Variants in RXRA observed in about 807,000 individuals in gnomAD.
RXRA encodes retinoic acid receptor RXR-alpha.
In RXRA, 5 loss-of-function variants were observed where a neutral mutation model predicts 44.5. The ratio of observed to expected loss-of-function variants is 0.11; its 90% confidence interval spans 0.06 to 0.24. RXRA has a LOEUF of 0.24. Among genes scored for constraint, RXRA ranks in the 10% least tolerant of loss-of-function variants. The probability of loss-of-function intolerance (pLI) is 1.00; values close to 1 mark genes in which losing one functional copy is unlikely to be tolerated. For missense variants in RXRA, 412 were observed against 646.5 expected, an observed-to-expected ratio of 0.64 and a Z score of 3.93; for synonymous variants, 291 against 271.4, an observed-to-expected ratio of 1.07 and a Z score of -0.71.
chr9:134,381,438 G>A (rs1007772594), intron 1 of RXRA, among the ~76,000 whole-genome samples: 5 of 152,266 alleles, frequency 3.3e-5, no homozygotes, highest in Non-Finnish European at 7.4e-5. Context: ...CTGTCTGAGC[G>A]GGAGAGGGAA....
At chr9:134,352,237 C>G (rs1830230396) in intron 1 of RXRA, among the ~76,000 whole-genome samples, 1 of 152,082 alleles carries the variant, frequency 6.6e-6, no homozygotes, top group South Asian at 2.1e-4. Flanking sequence ...TCTGCGCCTC[C>G]TGGGGTGCCT....
intron 7 of RXRA, 48 bp downstream of exon 7, chr9:134,429,288 A>G: frequency 3.1e-6 from 5 of 1,592,786 alleles, no homozygotes; most frequent in Non-Finnish European, 4.3e-6. Flanking sequence ...CACCTCCGCC[A>G]CCAGGCCAGC....
chr9:134,363,798 C>T (rs1830382128), intron 1 of RXRA, among the ~76,000 whole-genome samples: 1 of 152,214 alleles, frequency 6.6e-6, no homozygotes, highest in African/African-American at 2.4e-5. Flanking sequence ...GAGGTGCGAC[C>T]TGAGCATGGG....
chr9:134,436,609 A>G lies in RXRA; in HGVS notation c.1384A>G (p.Thr462Ala). 2 of 1,613,806 alleles carry G rather than the reference A, an allele frequency of 1.2e-6. No individual in the cohort carries two copies. Among genetic ancestry groups the G allele is most frequent in the Admixed American group, 1.7e-5 (1 of 60,012 alleles). ...GATGCTGGAGGCGCCGCACCAAATG[A>G]CTTAGGCCTGCGGGCCCATCCTTTG... is the stretch of plus-strand genomic sequence containing the variant. ...MEMLEAPHQM[T>A] is the part of the protein sequence containing the mutation. The change falls in exon 10 of 10, where the codon ACT becomes GCT. Residue 462 changes from threonine to alanine, a missense_variant. By Grantham distance (58) the Thr-to-Ala change is moderately conservative (BLOSUM62 0). This residue lies in a region of RXRA where 141 missense variants were observed against 270.8 expected (regional missense o/e 0.52). Coordinates refer to ENST00000481739, the MANE Select transcript of RXRA (RefSeq NM_002957.6).
Position 134,417,595 on chromosome 9 carries a change from C to T in RXRA, c.780+268C>T, listed in dbSNP as rs533479087. On this transcript the variant is annotated intron_variant, in intron 5 of 9. Transcript: ENST00000481739. The surrounding 1 kb of genome is among the most constrained non-coding windows in gnomAD (Gnocchi z 6.1). ...GGCCCGGGGCCTGGGGCCCTGCGGCCACATCATCATCCTCGGCCACCTCTG... is the reference window on the plus strand; with the variant it reads ...GGCCCGGGGCCTGGGGCCCTGCGGCTACATCATCATCCTCGGCCACCTCTG... 5.3e-5 allele frequency among the ~76,000 whole-genome samples: 8 copies of T among 152,212 alleles called. No homozygotes were observed. The highest frequency in any genetic ancestry group is 1.0e-4 in the Non-Finnish European group (7 of 67,982).
intron 4 of RXRA, among the ~76,000 whole-genome samples, chr9:134,414,504 A>C (rs1035572986): frequency 2.6e-5 from 4 of 152,240 alleles, no homozygotes; most frequent in Admixed American, 1.3e-4. Flanking sequence ...GCCGAGGCAC[A>C]GAGAGGTCAG....
At chr9:134,369,051 T>G (rs1348287027) in intron 1 of RXRA, among the ~76,000 whole-genome samples, 12 of 28,686 alleles carry the variant, frequency 4.2e-4, no homozygotes, top group East Asian at 1.1e-3. Context: ...TATGTGTGTA[T>G]GGGGGGTTAT....
chr9:134,429,317 C>A, intron 7 of RXRA, 77 bp downstream of exon 7: 1 of 1,439,388 alleles, frequency 6.9e-7, no homozygotes, highest in Non-Finnish European at 9.6e-7. Flanking sequence ...GCCACCTTGG[C>A]CCCGGTGCAC....
intron 1 of RXRA, among the ~76,000 whole-genome samples, chr9:134,334,042 G>A (rs781877335): frequency 6.6e-6 from 1 of 152,250 alleles, no homozygotes; most frequent in Non-Finnish European, 1.5e-5. Flanking sequence ...AGCTCCCGCT[G>A]GCAAGCCTGC....
At position 134,372,657 on chromosome 9, in the gene RXRA, G is replaced by A. The variant is rs139075652; in HGVS notation, c.29-28975G>A. ...GAGGATCAGAGAGGCCCACTGACCCGCCTTGGGGCCCCCAGCAGGCAGAGG... is the reference window on the plus strand; with the variant it reads ...GAGGATCAGAGAGGCCCACTGACCCACCTTGGGGCCCCCAGCAGGCAGAGG... On this transcript the variant is annotated intron_variant, in intron 1 of 9. Coordinates refer to ENST00000481739, the MANE Select transcript of RXRA (RefSeq NM_002957.6). 7.2e-3 allele frequency among the ~76,000 whole-genome samples: 1,096 copies of A among 152,310 alleles called. 15 individuals carry two copies. Among genetic ancestry groups the A allele is most frequent in the African/African-American group, 0.025 (1,035 of 41,564 alleles).
intron 1 of RXRA, among the ~76,000 whole-genome samples, chr9:134,362,333 C>CAA (rs1830362379): frequency 6.6e-6 from 1 of 152,192 alleles, no homozygotes; most frequent in African/African-American, 2.4e-5. Context: ...GCTCATCCCC[C>CAA]AAGTCCCATC....
intron 1 of RXRA, among the ~76,000 whole-genome samples, chr9:134,341,610 G>A (rs1469579370): frequency 9.9e-5 from 15 of 152,226 alleles, no homozygotes; most frequent in Admixed American, 7.8e-4. Context: ...TGGAGGAGGC[G>A]TGGGCATGGG....
At chr9:134,422,873 G>T in intron 6 of RXRA, 3 of 985,464 alleles carry the variant, frequency 3.0e-6, no homozygotes, top group African/African-American at 1.7e-5. Context: ...TCCAGGGGCT[G>T]CCCAGGAGAG....
At chr9:134,352,317 C>T (rs1564266172) in intron 1 of RXRA, among the ~76,000 whole-genome samples, 2 of 152,038 alleles carry the variant, frequency 1.3e-5, no homozygotes, top group Non-Finnish European at 2.9e-5. Context: ...GCCATCCCCT[C>T]AGGTGTCTGA....
At chr9:134,383,486 C>A (rs1483219997) in intron 1 of RXRA, among the ~76,000 whole-genome samples, 1 of 152,150 alleles carries the variant, frequency 6.6e-6, no homozygotes, top group African/African-American at 2.4e-5. Context: ...GGGACACGGA[C>A]CCTCATTCCG....
chr9:134,434,974 C>G (rs1388324816), intron 9 of RXRA, among the ~76,000 whole-genome samples: 1 of 152,174 alleles, frequency 6.6e-6, no homozygotes, highest in Non-Finnish European at 1.5e-5. Context: ...CAGCCCTCAT[C>G]TGGCTTGGTT....
chr9:134,393,622 G>A (rs945006146), intron 1 of RXRA, among the ~76,000 whole-genome samples: 6 of 152,232 alleles, frequency 3.9e-5, no homozygotes, highest in Admixed American at 1.3e-4. Context: ...TGTGGCCGCA[G>A]CTCCCATGGT....
At chr9:134,340,478 A>G (rs1297549320) in intron 1 of RXRA, among the ~76,000 whole-genome samples, 1 of 152,142 alleles carries the variant, frequency 6.6e-6, no homozygotes, top group African/African-American at 2.4e-5. Context: ...AGTGCCAGGG[A>G]GCACTCTGAA....
At chr9:134,376,921 C>T (rs1045133322) in intron 1 of RXRA, among the ~76,000 whole-genome samples, 5 of 152,184 alleles carry the variant, frequency 3.3e-5, no homozygotes, top group South Asian at 2.1e-4. Flanking sequence ...TTACCTGTGG[C>T]GGGCAGTCGC....
Sources: gnomAD v4.1 joint callset for allele counts (sites outside exome capture counted in the v4.1 genomes callset) on GRCh38, gnomAD v4.1.1 for gene constraint, gnomAD v4.1.1 regional missense constraint, Gnocchi (gnomAD v3.1) non-coding constraint, MANE v1.5 for transcripts, NCBI Gene and HGNC (gene_info 2026-07-23, HGNC 2026-07-21) for gene names.